PPP3CC: variants seen among roughly 807,000 people sequenced by gnomAD.
PPP3CC encodes the protein serine/threonine-protein phosphatase 2B catalytic subunit gamma isoform.
Under a neutral mutation model 60.3 loss-of-function variants are expected in PPP3CC, and 35 were observed. The ratio of observed to expected loss-of-function variants is 0.58; its 90% CI spans 0.44 to 0.77. The LOEUF (loss-of-function observed/expected upper bound fraction) is 0.77. Among genes scored for constraint, PPP3CC ranks in the 30% least tolerant of loss-of-function variants. The pLI is 0.00. For missense variants in PPP3CC, 570 were observed against 628.9 expected (o/e 0.91, Z 1.00); for synonymous variants, 206 against 224.3 (o/e 0.92, Z 0.73).
chr8:22,515,597 G>A (rs1839222433), intron 6 of PPP3CC, among the ~76,000 whole-genome samples: 2 of 152,144 alleles, frequency 1.3e-5, no homozygotes, highest in African/African-American at 4.8e-5. Flanking sequence ...TAGGATATGA[G>A]GGTTCCCTTT....
chr8:22,492,470 G>A (rs1044992765), intron 3 of PPP3CC, among the ~76,000 whole-genome samples: 3 of 152,058 alleles, frequency 2.0e-5, no homozygotes, highest in African/African-American at 7.3e-5. Context: ...TTAGCTTATT[G>A]TAACTTTTTA....
At chr8:22,525,742 T>C (rs552017874) in intron 8 of PPP3CC, among the ~76,000 whole-genome samples, 6 of 151,870 alleles carry the variant, frequency 4.0e-5, no homozygotes, top group African/African-American at 1.4e-4. Context: ...ATATTTTTTA[T>C]AGAGATAGGG....
At chr8:22,465,077 C>T (rs1316572941) in intron 1 of PPP3CC, among the ~76,000 whole-genome samples, 2 of 151,860 alleles carry the variant, frequency 1.3e-5, no homozygotes, top group South Asian at 2.1e-4. Flanking sequence ...CCCACCTCAG[C>T]CGCCCAAGTA....
intron 12 of PPP3CC, 73 bp downstream of exon 12, chr8:22,533,091 G>A: frequency 1.7e-6 from 2 of 1,170,342 alleles, no homozygotes; most frequent in Non-Finnish European, 2.3e-6. Flanking sequence ...TTACAAATGG[G>A]GGCTTTCCTC....
At chr8:22,511,266 T>C (rs1839078743) in intron 5 of PPP3CC, 35 bp downstream of exon 5, 10 of 1,590,106 alleles carry the variant, frequency 6.3e-6, no homozygotes, top group Non-Finnish European at 8.6e-6. Context: ...CAGGGAATAT[T>C]TTTAAAATGT....
intron 1 of PPP3CC, among the ~76,000 whole-genome samples, chr8:22,462,568 C>G (rs1837392536): frequency 6.7e-6 from 1 of 150,352 alleles, no homozygotes; most frequent in South Asian, 2.1e-4. Flanking sequence ...TCTTTTTTTT[C>G]TTTTTTCTTT....
intron 4 of PPP3CC, among the ~76,000 whole-genome samples, chr8:22,502,695 ACAGG>A (rs1838796743): frequency 6.6e-6 from 1 of 152,104 alleles, no homozygotes; most frequent in South Asian, 2.1e-4. Flanking sequence ...AAAACAAAAG[ACAGG>A]CAGACCAAGG....
At chr8:22,505,672 T>C (rs1003816511) in intron 4 of PPP3CC, among the ~76,000 whole-genome samples, 7 of 152,194 alleles carry the variant, frequency 4.6e-5, no homozygotes, top group African/African-American at 1.4e-4. Flanking sequence ...TATAAATTTA[T>C]TTAATATAAG....
intron 3 of PPP3CC, among the ~76,000 whole-genome samples, chr8:22,496,368 G>A (rs1302894376): frequency 6.7e-6 from 1 of 149,372 alleles, no homozygotes; most frequent in African/African-American, 2.5e-5. Flanking sequence ...ATTCTTTCTT[G>A]CATGTTCATT....
intron 1 of PPP3CC, among the ~76,000 whole-genome samples, chr8:22,449,352 G>A (rs1490034400): frequency 6.6e-6 from 1 of 151,192 alleles, no homozygotes; most frequent in Admixed American, 6.6e-5. Context: ...GGGAGGCTGA[G>A]GTGGGAGGAT....
chr8:22,459,713 T>A (rs756856704), intron 1 of PPP3CC, among the ~76,000 whole-genome samples: 1 of 152,182 alleles, frequency 6.6e-6, no homozygotes, highest in Non-Finnish European at 1.5e-5. Flanking sequence ...TCTGAATGTT[T>A]GTGACCCCCC....
chr8:22,521,293 G>A (rs1406449284), intron 6 of PPP3CC, among the ~76,000 whole-genome samples: 1 of 152,208 alleles, frequency 6.6e-6, no homozygotes, highest in Non-Finnish European at 1.5e-5. Flanking sequence ...TCAGAGTGCT[G>A]CTTTGAGTCT....
intron 12 of PPP3CC, among the ~76,000 whole-genome samples, chr8:22,537,667 A>G (rs1356798734): frequency 6.6e-6 from 1 of 152,266 alleles, no homozygotes; most frequent in Non-Finnish European, 1.5e-5. Context: ...AATTGTCCAT[A>G]AACTGGATAA....
rs34407184 is a variant in PPP3CC, at chr8:22,446,805, C to CAA, written c.49+5373_49+5374dup. On this transcript the variant is annotated intron_variant, in intron 1 of 13. Coordinates refer to ENST00000240139, the MANE Select transcript of PPP3CC (RefSeq NM_005605.5). Reference sequence around the variant, plus strand: ...TGGGTGACAGAGCAAGACTCTGTCTCAAAAAAAAAAAAAAAAAAAAAAAAA... The same window carrying CAA: ...TGGGTGACAGAGCAAGACTCTGTCTCAAAAAAAAAAAAAAAAAAAAAAAAAAA... Among the ~76,000 whole-genome samples, 39 of 21,946 alleles carry CAA rather than the reference C, an allele frequency of 1.8e-3. 1 individual carries two copies. The highest frequency in any genetic ancestry group is 6.0e-3 in the East Asian group (4 of 664). 14.4% of individuals were successfully genotyped at this position (21,946 alleles called of 152,430 possible).
intron 4 of PPP3CC, among the ~76,000 whole-genome samples, chr8:22,506,616 C>T (rs1409953971): frequency 6.6e-6 from 1 of 152,078 alleles, no homozygotes. Flanking sequence ...GGGCAGGAGG[C>T]ACATTATACC....
intron 1 of PPP3CC, among the ~76,000 whole-genome samples, chr8:22,444,140 C>T (rs1467102606): frequency 6.6e-6 from 1 of 151,774 alleles, no homozygotes; most frequent in Non-Finnish European, 1.5e-5. Flanking sequence ...CCTGTAATGC[C>T]AGCTACTTGG....
intron 1 of PPP3CC, among the ~76,000 whole-genome samples, chr8:22,445,190 C>T (rs1362114208): frequency 6.6e-6 from 1 of 152,158 alleles, no homozygotes; most frequent in Non-Finnish European, 1.5e-5. Context: ...TATCGTGGCA[C>T]TGGGAATATT....
chr8:22,475,772 A>C (rs1837870022), intron 3 of PPP3CC, 148 bp downstream of exon 3: 1 of 792,020 alleles, frequency 1.3e-6, no homozygotes. Context: ...GAAATGTTTT[A>C]ATTGATAGAA....
At chr8:22,491,567 A>G (rs140318497) in intron 3 of PPP3CC, among the ~76,000 whole-genome samples, 75 of 152,340 alleles carry the variant, frequency 4.9e-4, no homozygotes, top group African/African-American at 1.8e-3. Context: ...TGTACTTGTC[A>G]CTATACATTG....
Sources: allele counts gnomAD v4.1 joint callset (sites outside exome capture counted in the v4.1 genomes callset), GRCh38; gene constraint gnomAD v4.1.1; transcripts MANE v1.5; gene names NCBI Gene and HGNC (gene_info 2026-07-23, HGNC 2026-07-21).